MYO10: variants seen among roughly 807,000 people sequenced by gnomAD.
MYO10 encodes myosin X, also known as unconventional myosin-X.
A neutral mutation model predicts 257.3 loss-of-function variants in MYO10; 133 were observed. The observed-to-expected ratio is 0.52, with a 90% CI of 0.45 to 0.60. The LOEUF is 0.60. MYO10 is among the 20% of genes least tolerant of loss of function. The pLI, the probability that MYO10 is intolerant of heterozygous loss-of-function variation, is 0.00. For missense variants in MYO10, 2,399 were observed against 2,635.7 expected (o/e 0.91, Z 1.97); for synonymous variants, 1,104 against 1,028.6 (o/e 1.07, Z -1.40).
At chr5:16,670,108 T>C (rs1345707644) in intron 39 of MYO10, among the ~76,000 whole-genome samples, 1 of 152,146 alleles carries the variant, frequency 6.6e-6, no homozygotes, top group Non-Finnish European at 1.5e-5. Context: ...ATGGCTAAAT[T>C]CCATTACGAG....
chr5:16,725,327 C>A (rs578180830), intron 19 of MYO10, among the ~76,000 whole-genome samples: 48 of 152,098 alleles, frequency 3.2e-4, no homozygotes, highest in African/African-American at 1.0e-3. Context: ...AACTCCTGAC[C>A]TTGTGATCTG....
intron 1 of MYO10, among the ~76,000 whole-genome samples, chr5:16,886,605 C>T (rs191204802): frequency 1.8e-4 from 27 of 152,272 alleles, no homozygotes; most frequent in Admixed American, 1.8e-3. Context: ...ATCATCATTT[C>T]TCAAGCTTGC....
In MYO10 at chr5:16,662,314, C is replaced by CTATTTTTTTTTTTTTTTTTTTT; in HGVS notation, c.*4356_*4377dup. On this transcript the variant is annotated 3_prime_UTR_variant, in exon 41 of 41. Coordinates refer to ENST00000513610, the MANE Select transcript of MYO10 (RefSeq NM_012334.3). Reference sequence around the variant, plus strand: ...AAAAGTGCTGTCTTAGATTTCTGAACTATTTTTTTTTTTTTTTTTTTTTTT... The same window carrying CTATTTTTTTTTTTTTTTTTTTT: ...AAAAGTGCTGTCTTAGATTTCTGAACTATTTTTTTTTTTTTTTTTTTTTATTTTTTTTTTTTTTTTTTTTTTT... 5.0e-5 allele frequency: 2 copies of CTATTTTTTTTTTTTTTTTTTTT among 39,670 alleles called. 1 individual carries two copies. Among genetic ancestry groups the CTATTTTTTTTTTTTTTTTTTTT allele is most frequent in the Non-Finnish European group, 9.5e-5 (2 of 20,982 alleles). The allele number at this position is 39,670 out of a possible 1,614,324, so 2.5% of individuals were successfully genotyped here.
intron 2 of MYO10, among the ~76,000 whole-genome samples, chr5:16,825,836 G>A (rs1009419456): frequency 1.3e-5 from 2 of 151,408 alleles, no homozygotes; most frequent in Non-Finnish European, 2.9e-5. Flanking sequence ...ACAAGACAGC[G>A]AGACCCTGTC....
intron 3 of MYO10, among the ~76,000 whole-genome samples, chr5:16,805,567 TA>T (rs1165303730): frequency 9.2e-5 from 14 of 152,236 alleles, no homozygotes; most frequent in Admixed American, 8.5e-4. Flanking sequence ...AAGATATTGT[TA>T]CCGCTCCACA....
intron 1 of MYO10, among the ~76,000 whole-genome samples, chr5:16,932,750 A>G (rs1746324831): frequency 6.6e-6 from 1 of 151,464 alleles, no homozygotes; most frequent in African/African-American, 2.4e-5. Flanking sequence ...GCGCAGTAAG[A>G]CACTATCTAT....
intron 32 of MYO10, 65 bp from the exon 33 acceptor site, chr5:16,680,169 T>C (rs1736924431): frequency 1.3e-6 from 2 of 1,549,194 alleles, no homozygotes; most frequent in South Asian, 2.4e-5. Flanking sequence ...AGGCAATGCC[T>C]GTGTCCTCTC....
chr5:16,770,956 C>T lies in MYO10; in HGVS notation c.931-1753G>A, dbSNP rs534302459. Among the ~76,000 whole-genome samples, 7 of 152,174 alleles carry T rather than the reference C, an allele frequency of 4.6e-5. No individual in the cohort carries two copies. The East Asian group carries it at 7.7e-4, about 17-fold the overall frequency. On this transcript the variant is annotated intron_variant, in intron 9 of 40. Transcript: ENST00000513610. ...GCTAATTTTGTATTTTCAGTAGATA[C>T]GAGGTTTCTCCATGTTGGTCAGGCT...
intron 19 of MYO10, among the ~76,000 whole-genome samples, chr5:16,721,092 T>G (rs1207168112): frequency 6.6e-6 from 1 of 152,174 alleles, no homozygotes; most frequent in African/African-American, 2.4e-5. Flanking sequence ...TGATAACCCC[T>G]CTTCAACTTT....
chr5:16,783,371 T>C lies in MYO10; in HGVS notation c.566A>G (p.Lys189Arg), dbSNP rs938275156. The part of the protein sequence containing the change: ...QQSLELSLKE[K>R]TSCVERAILE... Reference sequence around the variant, plus strand: ...AATAGCTCGTTCAACACAGGATGTCTTCTCCTTTAAGGACAATTCCAAAGA... The same window carrying C: ...AATAGCTCGTTCAACACAGGATGTCCTCTCCTTTAAGGACAATTCCAAAGA... The change falls in exon 5 of 41, where the codon AAG (lysine) becomes AGG (arginine). Residue 189 changes from lysine (K) to arginine (R), a missense_variant. This residue lies in a region of MYO10 where 242 missense variants were observed against 249.5 expected (regional missense o/e 0.97). Transcript: ENST00000513610. The C allele has an allele frequency of 6.9e-6, 11 of 1,600,768 alleles. No individual in the cohort carries two copies. Among genetic ancestry groups the C allele is most frequent in the Non-Finnish European group, 7.7e-6 (9 of 1,174,020 alleles).
chr5:16,799,756 A>C (rs1314761682), intron 3 of MYO10, among the ~76,000 whole-genome samples: 1 of 152,140 alleles, frequency 6.6e-6, no homozygotes, highest in African/African-American at 2.4e-5. Flanking sequence ...AGCCTCCCAA[A>C]GTGCTGGGAT....
intron 39 of MYO10, among the ~76,000 whole-genome samples, chr5:16,669,875 T>C (rs1341856255): frequency 2.6e-5 from 4 of 152,198 alleles, no homozygotes; most frequent in Non-Finnish European, 5.9e-5. Flanking sequence ...GATCACATGG[T>C]CTCTGTCACA....
At chr5:16,798,953 T>G in intron 3 of MYO10, among the ~76,000 whole-genome samples, 1 of 152,208 alleles carries the variant, frequency 6.6e-6, no homozygotes, top group East Asian at 1.9e-4. Context: ...ATTAATTTAT[T>G]ATTAGGATAT....
intron 1 of MYO10, among the ~76,000 whole-genome samples, chr5:16,923,732 A>G (rs548124366): frequency 6.6e-6 from 1 of 151,860 alleles, no homozygotes; most frequent in East Asian, 1.9e-4. Flanking sequence ...GTGAACCACC[A>G]CGACATAGTA....
At chr5:16,708,439 C>G (rs1362785036) in intron 21 of MYO10, among the ~76,000 whole-genome samples, 1 of 152,204 alleles carries the variant, frequency 6.6e-6, no homozygotes, top group African/African-American at 2.4e-5. Context: ...AATGTAAATT[C>G]TAAGTGAAGC....
chr5:16,890,946 C>A (rs951760792), intron 1 of MYO10, among the ~76,000 whole-genome samples: 1 of 151,752 alleles, frequency 6.6e-6, no homozygotes, highest in African/African-American at 2.4e-5. Flanking sequence ...CAAAGGACCA[C>A]ATGTTGTATG....
chr5:16,679,524 G>GTTTTTTTTTTTTTTTTT (rs33919452), intron 33 of MYO10, among the ~76,000 whole-genome samples: 30 of 122,646 alleles, frequency 2.4e-4, no homozygotes, highest in African/African-American at 8.4e-4. Context: ...TTTTTTGGGT[G>GTTTTTTTTTTTTTTTTT]TTTTTTTTTT....
intron 19 of MYO10, among the ~76,000 whole-genome samples, chr5:16,740,433 G>A (rs1739976924): frequency 6.6e-6 from 1 of 152,160 alleles, no homozygotes; most frequent in Admixed American, 6.5e-5. Context: ...GAAGGGATTT[G>A]CTCACAGTGG....
chr5:16,727,061 C>T (rs1354576924), intron 19 of MYO10, among the ~76,000 whole-genome samples: 4 of 152,088 alleles, frequency 2.6e-5, no homozygotes, highest in African/African-American at 4.8e-5. Context: ...AATTACACAC[C>T]AGATTTCAAA....
Sources: gnomAD v4.1 joint callset for allele counts (sites outside exome capture counted in the v4.1 genomes callset) on GRCh38, gnomAD v4.1.1 for gene constraint, gnomAD v4.1.1 regional missense constraint, MANE v1.5 for transcripts, NCBI Gene and HGNC (gene_info 2026-07-23, HGNC 2026-07-21) for gene names.